KCNH8: variants seen among roughly 807,000 people sequenced by gnomAD.
The protein encoded by KCNH8 is potassium voltage-gated channel subfamily H member 8, also known as voltage-gated delayed rectifier potassium channel KCNH8.
KCNH8 carries 70 observed loss-of-function variants against 103.6 expected under a neutral mutation model. That is an observed-to-expected ratio of 0.68 (90% confidence interval 0.56 to 0.82). The LOEUF is 0.82. Ranked by LOEUF, KCNH8 falls within the 40% of genes least tolerant of loss-of-function variation. KCNH8 has a pLI of 0.00. For synonymous variants in KCNH8, 498 were observed against 489.4 expected (o/e 1.02, Z -0.23); for missense variants, 1,217 against 1,329.9 (o/e 0.92, Z 1.32).
At position 19,496,123 on chromosome 3, in the gene KCNH8, T is replaced by C. The variant is rs983198725; in HGVS notation, c.2041-14240T>C. 2.0e-5 allele frequency among the ~76,000 whole-genome samples: 3 copies of C among 152,216 alleles called. No individual in the cohort carries two copies. The East Asian group carries it at 5.8e-4, about 29-fold the overall frequency. ...CAGAGACTATGGGGTTTTCTAGATA[T>C]AAAATTATATTGTCTGCACACAGGG... On this transcript the variant is annotated intron_variant, in intron 11 of 15. Coordinates refer to ENST00000328405, the MANE Select transcript of KCNH8 (RefSeq NM_144633.3).
In KCNH8 at chr3:19,534,455, A is replaced by C. The variant is rs559470952; in HGVS notation, c.*356A>C. 1.2e-5 allele frequency: 3 copies of C among 250,606 alleles called. No individual in the cohort carries two copies. The East Asian group carries it at 2.7e-4, about 23-fold the overall frequency. The allele number at this position is 250,606 out of a possible 1,614,324, so 15.5% of individuals were successfully genotyped here. On this transcript the variant is annotated 3_prime_UTR_variant, in exon 16 of 16. Coordinates refer to ENST00000328405, the MANE Select transcript of KCNH8 (RefSeq NM_144633.3). ...TTGTGAAGTATGGCAAAGGTTTTTC[A>C]TGAGTGCCTGATTGTTATTCCTGAA...
intron 11 of KCNH8, among the ~76,000 whole-genome samples, chr3:19,507,647 T>G (rs1189708686): frequency 6.6e-6 from 1 of 152,058 alleles, no homozygotes; most frequent in African/African-American, 2.4e-5. Flanking sequence ...ACAGGGTAGT[T>G]GTGTTGGAGT....
intron 8 of KCNH8, among the ~76,000 whole-genome samples, chr3:19,440,840 T>G (rs1047577637): frequency 1.3e-5 from 2 of 152,176 alleles, no homozygotes; most frequent in African/African-American, 2.4e-5. Context: ...TTAAAGCAAA[T>G]CTTTGGGGTT....
intron 15 of KCNH8, 142 bp from the exon 16 acceptor site, chr3:19,533,253 C>A: frequency 3.4e-6 from 2 of 590,312 alleles, no homozygotes; most frequent in South Asian, 2.5e-5. Flanking sequence ...TTTCACCAAG[C>A]AAATGCTAAA....
intron 11 of KCNH8, among the ~76,000 whole-genome samples, chr3:19,495,128 A>C (rs1031661680): frequency 6.6e-6 from 1 of 151,928 alleles, no homozygotes; most frequent in Non-Finnish European, 1.5e-5. Context: ...GTTTGCAAAT[A>C]TTTTCTCCCA....
At chr3:19,226,790 G>A (rs924383899) in intron 1 of KCNH8, among the ~76,000 whole-genome samples, 1 of 152,106 alleles carries the variant, frequency 6.6e-6, no homozygotes, top group Non-Finnish European at 1.5e-5. Context: ...GCCTTCTGGG[G>A]CTCTGCAGTG....
chr3:19,276,942 T>G (rs1239500406), intron 2 of KCNH8, among the ~76,000 whole-genome samples: 2 of 152,086 alleles, frequency 1.3e-5, no homozygotes, highest in African/African-American at 4.8e-5. Context: ...AATATCCAAG[T>G]TATGGAATCA....
intron 1 of KCNH8, among the ~76,000 whole-genome samples, chr3:19,154,535 C>A (rs1045605738): frequency 6.6e-6 from 1 of 152,204 alleles, no homozygotes; most frequent in Non-Finnish European, 1.5e-5. Flanking sequence ...TAGATGCCAA[C>A]TTTAGACTTG....
intron 3 of KCNH8, among the ~76,000 whole-genome samples, chr3:19,318,638 TAA>T (rs1294629612): frequency 3.1e-5 from 4 of 129,794 alleles, no homozygotes; most frequent in African/African-American, 1.3e-4. Flanking sequence ...TATTACATGG[TAA>T]GTGTGTGTGT....
chr3:19,506,262 G>A (rs1476227791), intron 11 of KCNH8, among the ~76,000 whole-genome samples: 3 of 152,152 alleles, frequency 2.0e-5, no homozygotes, highest in Non-Finnish European at 4.4e-5. Context: ...TTCTTACGCT[G>A]GTTCTTTCTC....
At chr3:19,491,263 A>G (rs887319671) in intron 11 of KCNH8, among the ~76,000 whole-genome samples, 2 of 152,266 alleles carry the variant, frequency 1.3e-5, no homozygotes, top group South Asian at 2.1e-4. Flanking sequence ...GGTTTATTAC[A>G]TGGGGATATT....
chr3:19,440,670 T>G (rs1837894), intron 8 of KCNH8, among the ~76,000 whole-genome samples: 5,347 of 152,214 alleles, frequency 0.035, 281 homozygotes, highest in African/African-American at 0.11. Flanking sequence ...AGGTGAGATT[T>G]TGGTTGGGGA....
intron 1 of KCNH8, among the ~76,000 whole-genome samples, chr3:19,207,503 AG>A (rs2063729359): frequency 1.3e-5 from 2 of 152,008 alleles, no homozygotes; most frequent in African/African-American, 4.8e-5. Flanking sequence ...TTATTCAAAT[AG>A]TCTTTGATTA....
intron 1 of KCNH8, among the ~76,000 whole-genome samples, chr3:19,213,869 C>G (rs559872309): frequency 6.6e-6 from 1 of 152,146 alleles, no homozygotes; most frequent in African/African-American, 2.4e-5. Context: ...GAAGTCTACT[C>G]CAGTATCAAG....
At chr3:19,525,957 G>A (rs2069056670) in intron 15 of KCNH8, among the ~76,000 whole-genome samples, 1 of 151,918 alleles carries the variant, frequency 6.6e-6, no homozygotes, top group African/African-American at 2.4e-5. Flanking sequence ...GCTTTGTAAA[G>A]CAAAAGACAC....
chr3:19,396,737 A>G (rs1014227560), intron 7 of KCNH8, among the ~76,000 whole-genome samples: 1 of 152,008 alleles, frequency 6.6e-6, no homozygotes, highest in Non-Finnish European at 1.5e-5. Flanking sequence ...AACATTTTCT[A>G]TCTTTCGATA....
intron 5 of KCNH8, among the ~76,000 whole-genome samples, chr3:19,367,482 G>T (rs1210282562): frequency 1.4e-5 from 2 of 146,204 alleles, no homozygotes; most frequent in African/African-American, 5.0e-5. Context: ...ATATATATCA[G>T]AAATAAACTT....
At chr3:19,410,079 A>G (rs965152876) in intron 7 of KCNH8, among the ~76,000 whole-genome samples, 4 of 152,158 alleles carry the variant, frequency 2.6e-5, no homozygotes, top group Non-Finnish European at 5.9e-5. Context: ...TGCTCTTCTC[A>G]TCTGGACATC....
At chr3:19,392,608 T>A (rs2066455551) in intron 6 of KCNH8, among the ~76,000 whole-genome samples, 1 of 152,036 alleles carries the variant, frequency 6.6e-6, no homozygotes, top group African/African-American at 2.4e-5. Context: ...CAAAGATGTT[T>A]GTCTCCCAAA....
Sources: gnomAD v4.1 joint callset for allele counts (sites outside exome capture counted in the v4.1 genomes callset) on GRCh38, gnomAD v4.1.1 for gene constraint, MANE v1.5 for transcripts, NCBI Gene and HGNC (gene_info 2026-07-23, HGNC 2026-07-21) for gene names.